The following SLC7A2 variants were observed in gnomAD, a reference collection of about 807,000 sequenced individuals.
SLC7A2 encodes the protein solute carrier family 7 member 2, also known as cationic amino acid transporter 2.
SLC7A2 carries 48 observed loss-of-function variants against 58.9 expected under a neutral mutation model. The observed-to-expected ratio is 0.82, with a 90% confidence interval of 0.65 to 1.04. The LOEUF (loss-of-function observed/expected upper bound fraction) is 1.04. SLC7A2 is among the 50% of genes least tolerant of loss of function. The pLI, the probability that SLC7A2 is intolerant of heterozygous loss-of-function variation, is 0.00. For synonymous variants in SLC7A2, 363 were observed against 314.5 expected (o/e 1.15, Z -1.63); for missense variants, 1,029 against 818.8 (o/e 1.26, Z -3.13).
intron 10 of SLC7A2, 106 bp from the exon 11 acceptor site, chr8:17,561,838 T>A (rs1803004219): frequency 9.9e-7 from 1 of 1,011,574 alleles, no homozygotes; most frequent in Admixed American, 2.2e-5. Flanking sequence ...TTTAGCCAAG[T>A]AGATGTGTAC....
At position 17,502,243 on chromosome 8, in the gene SLC7A2, A is replaced by G. The variant is rs1488823773; in HGVS notation, c.-68-14A>G. 1 of 152,034 alleles carries G rather than the reference A, an allele frequency of 6.6e-6. No individual in the cohort carries two copies. The highest frequency in any genetic ancestry group is 2.4e-5 in the African/African-American group (1 of 41,376). 9.4% of individuals were successfully genotyped at this position (152,034 alleles called of 1,614,324 possible). On this transcript the variant is annotated splice_polypyrimidine_tract_variant and intron_variant, in intron 1 of 12. Coordinates refer to ENST00000494857, the MANE Select transcript of SLC7A2 (RefSeq NM_001370338.1). Reference sequence around the variant, plus strand: ...GAGTCCTTTAGTTATCACTCCCATCATTGCTTCTCCCAGCAGGAGACTCTC... The same window carrying G: ...GAGTCCTTTAGTTATCACTCCCATCGTTGCTTCTCCCAGCAGGAGACTCTC...
chr8:17,537,023 GTCC>G (rs1801696113), intron 2 of SLC7A2, among the ~76,000 whole-genome samples: 1 of 152,164 alleles, frequency 6.6e-6, no homozygotes, highest in Non-Finnish European at 1.5e-5. Flanking sequence ...TCACAAGACT[GTCC>G]TCCTCTGAAT....
intron 2 of SLC7A2, among the ~76,000 whole-genome samples, chr8:17,529,558 T>G: frequency 1.3e-5 from 2 of 148,244 alleles, no homozygotes; most frequent in Admixed American, 6.8e-5. Flanking sequence ...AGAGATAGAG[T>G]CTTGCTCTGT....
Position 17,544,443 on chromosome 8 carries a change from T to G in SLC7A2, c.377-8T>G. On this transcript the variant is annotated splice_polypyrimidine_tract_variant and splice_region_variant and intron_variant, in intron 3 of 12. Transcript: ENST00000494857. ...GTGACTTCGTATTCTCTGTTCTGTT[T>G]TGGGAAGGTACATCAAGTGTTGCAA... 6.2e-7 allele frequency: 1 copy of G among 1,613,278 alleles called. No individual in the cohort carries two copies. The highest frequency in any genetic ancestry group is 8.5e-7 in the Non-Finnish European group (1 of 1,179,570).
chr8:17,496,581 G>A (rs1393774568), upstream of SLC7A2, among the ~76,000 whole-genome samples: 2 of 152,058 alleles, frequency 1.3e-5, no homozygotes, highest in African/African-American at 4.8e-5. Context: ...TCATACCACT[G>A]GAGTCTTCCA....
intron 2 of SLC7A2, among the ~76,000 whole-genome samples, chr8:17,534,617 G>T (rs1801585790): frequency 6.8e-6 from 1 of 147,460 alleles, no homozygotes; most frequent in Non-Finnish European, 1.5e-5. Flanking sequence ...AATTTTAGCT[G>T]TATTCTTGAG....
intron 4 of SLC7A2, among the ~76,000 whole-genome samples, chr8:17,545,726 C>T (rs1364706571): frequency 6.6e-6 from 1 of 152,010 alleles, no homozygotes; most frequent in Non-Finnish European, 1.5e-5. Flanking sequence ...CTCCTTCTTA[C>T]CTGCAGTCCT....
chr8:17,563,552 G>A, intron 11 of SLC7A2, 51 bp from the exon 12 acceptor site: 2 of 1,099,104 alleles, frequency 1.8e-6, no homozygotes, highest in Non-Finnish European at 2.8e-6. Context: ...ATAACTTGGG[G>A]AATATGCTTC....
intron 1 of SLC7A2, chr8:17,499,955 G>A (rs1244427529): frequency 1.3e-5 from 2 of 152,092 alleles, no homozygotes; most frequent in African/African-American, 4.8e-5. Context: ...TTATTGTTGA[G>A]TGAATGCCAC....
chr8:17,556,260 G>A (rs1296458075), intron 8 of SLC7A2, among the ~76,000 whole-genome samples: 2 of 151,688 alleles, frequency 1.3e-5, no homozygotes, highest in African/African-American at 2.4e-5. Context: ...AGAGTCATAC[G>A]TTTTATTTAA....
intron 2 of SLC7A2, among the ~76,000 whole-genome samples, chr8:17,521,174 C>T (rs894158845): frequency 2.0e-5 from 3 of 152,052 alleles, no homozygotes; most frequent in African/African-American, 2.4e-5. Context: ...AAAAAGAATA[C>T]ATTTAAAATA....
chr8:17,543,218 AC>A, intron 2 of SLC7A2, 99 bp from the exon 3 acceptor site: 3 of 817,358 alleles, frequency 3.7e-6, no homozygotes, highest in Non-Finnish European at 5.4e-6. Flanking sequence ...ACACACACAA[AC>A]ACACACACAC....
At chr8:17,519,169 C>A (rs1392987677) in intron 2 of SLC7A2, among the ~76,000 whole-genome samples, 1 of 152,184 alleles carries the variant, frequency 6.6e-6, no homozygotes, top group African/African-American at 2.4e-5. Context: ...TACTTAACCT[C>A]TTTAAGCATT....
chr8:17,547,515 A>G (rs528540972), intron 4 of SLC7A2, among the ~76,000 whole-genome samples: 30 of 152,320 alleles, frequency 2.0e-4, no homozygotes, highest in Non-Finnish European at 2.9e-4. Flanking sequence ...AATTGAGCCA[A>G]ACTTTCCAGA....
chr8:17,538,930 T>C, intron 2 of SLC7A2: 2 of 1,611,808 alleles, frequency 1.2e-6, no homozygotes, highest in Non-Finnish European at 1.7e-6. Flanking sequence ...CCTGTAAGAT[T>C]TATTGTCAGG....
intron 2 of SLC7A2, among the ~76,000 whole-genome samples, chr8:17,504,948 A>G (rs1240051880): frequency 4.6e-5 from 7 of 152,156 alleles, no homozygotes; most frequent in Admixed American, 4.6e-4. Context: ...TCTGCTGGCC[A>G]TTCTGTTTAC....
chr8:17,502,194 A>G (rs1031848091), intron 1 of SLC7A2, 63 bp from the exon 2 acceptor site: 1 of 151,738 alleles, frequency 6.6e-6, no homozygotes, highest in Non-Finnish European at 1.5e-5. Context: ...GAGGTTTGAA[A>G]AAAAAAGAAT....
intron 12 of SLC7A2, 116 bp from the exon 13 acceptor site, chr8:17,564,834 A>G: frequency 1.1e-6 from 1 of 870,382 alleles, no homozygotes; most frequent in Non-Finnish European, 1.7e-6. Flanking sequence ...GTTCTAAAGT[A>G]CTACAGAAAG....
chr8:17,540,487 A>G (rs979848315), intron 2 of SLC7A2, among the ~76,000 whole-genome samples: 1 of 152,090 alleles, frequency 6.6e-6, no homozygotes, highest in Non-Finnish European at 1.5e-5. Context: ...TTGCCTACAC[A>G]GACCTCCCCC....
Sources: gnomAD v4.1 joint callset for allele counts (sites outside exome capture counted in the v4.1 genomes callset) on GRCh38, gnomAD v4.1.1 for gene constraint, MANE v1.5 for transcripts, NCBI Gene and HGNC (gene_info 2026-07-23, HGNC 2026-07-21) for gene names.